The following GPR107 variants were observed in gnomAD, a reference collection of about 807,000 sequenced individuals.
The protein encoded by GPR107 is G protein-coupled receptor 107, also known as protein GPR107.
Under a neutral mutation model 75.5 loss-of-function variants are expected in GPR107, and 31 were observed. The ratio of observed to expected loss-of-function variants is 0.41; its 90% CI spans 0.31 to 0.55. The LOEUF (loss-of-function observed/expected upper bound fraction) is 0.55, where lower values mean the gene tolerates loss of function less well. Among genes scored for constraint, GPR107 ranks in the 20% least tolerant of loss-of-function variants. GPR107 has a pLI of 0.26. For missense variants in GPR107, 572 were observed against 665.7 expected (o/e 0.86, Z 1.55); for synonymous variants, 267 against 251.3 (o/e 1.06, Z -0.59).
intron 3 of GPR107, 104 bp downstream of exon 3, chr9:130,076,566 G>A: frequency 1.3e-6 from 1 of 779,770 alleles, no homozygotes; most frequent in Non-Finnish European, 2.3e-6. Context: ...TTTTTTTGGA[G>A]TACGGTGGCA....
chr9:130,090,009 G>GTGTCTCC (rs1830697864), intron 7 of GPR107, among the ~76,000 whole-genome samples: 1 of 152,140 alleles, frequency 6.6e-6, no homozygotes, highest in Non-Finnish European at 1.5e-5. Context: ...TCCAGCACCT[G>GTGTCTCC]AGAAACCTTG....
chr9:130,079,876 A>G (rs1589495444), intron 5 of GPR107, 107 bp downstream of exon 5: 3 of 620,402 alleles, frequency 4.8e-6, no homozygotes, highest in South Asian at 8.0e-5. Flanking sequence ...TCGTCTTAGC[A>G]TTATATTTTG....
At chr9:130,134,275 C>T (rs376728517) in intron 17 of GPR107, among the ~76,000 whole-genome samples, 1 of 152,174 alleles carries the variant, frequency 6.6e-6, no homozygotes, top group Admixed American at 6.5e-5. Flanking sequence ...GAAGGTGGGG[C>T]CCGTGCATGT....
At chr9:130,128,469 T>A (rs933497147) in intron 16 of GPR107, among the ~76,000 whole-genome samples, 171 bp from the exon 17 acceptor site, 1 of 152,170 alleles carries the variant, frequency 6.6e-6, no homozygotes, top group Non-Finnish European at 1.5e-5. Flanking sequence ...ACACTCCTCG[T>A]TTAGGCCTCG....
At chr9:130,098,067 G>A (rs1830922622) in intron 9 of GPR107, among the ~76,000 whole-genome samples, 2 of 152,008 alleles carry the variant, frequency 1.3e-5, no homozygotes, top group Non-Finnish European at 2.9e-5. Context: ...ATTTTTGGTA[G>A]AGATGGAGTT....
At chr9:130,101,869 T>G (rs1831038959) in intron 12 of GPR107, among the ~76,000 whole-genome samples, 1 of 152,188 alleles carries the variant, frequency 6.6e-6, no homozygotes. Flanking sequence ...CTGTGAACTT[T>G]TCTCACATTT....
Position 130,106,616 on chromosome 9 carries a change from TA to T in GPR107, c.1263-877del, listed in dbSNP as rs377656085. Among the ~76,000 whole-genome samples, 163 of 41,984 alleles carry T rather than the reference TA, an allele frequency of 3.9e-3. 1 individual carries two copies. The East Asian group carries it at 0.055, about 14-fold the overall frequency. 27.5% of individuals were successfully genotyped at this position (41,984 alleles called of 152,430 possible). A position where few individuals can be genotyped will look rare whatever the true frequency, so the allele number is the denominator to read the frequency against. On this transcript the variant is annotated intron_variant, in intron 13 of 17. Coordinates refer to ENST00000347136, the MANE Select transcript of GPR107 (RefSeq NM_020960.5). ...GTCTCAAAATAAATAAATAAATAAA[TA>T]AATAATAATAATAATAATAATACTT...
chr9:130,122,143 AG>A (rs1317564105), intron 14 of GPR107, among the ~76,000 whole-genome samples: 2 of 152,178 alleles, frequency 1.3e-5, no homozygotes, highest in Non-Finnish European at 2.9e-5. Context: ...CACCCGCCTC[AG>A]CCTCCCAAAG....
At chr9:130,071,032 T>C (rs1830193356) in intron 1 of GPR107, among the ~76,000 whole-genome samples, 1 of 83,190 alleles carries the variant, frequency 1.2e-5, no homozygotes, top group African/African-American at 3.8e-5. Context: ...ACTTTTTTTT[T>C]TTCTTTTTTT....
chr9:130,056,947 AAAAAG>A (rs1829806362), intron 1 of GPR107, among the ~76,000 whole-genome samples: 1 of 149,174 alleles, frequency 6.7e-6, no homozygotes, highest in South Asian at 2.1e-4. Context: ...AAAAAAAAAA[AAAAAG>A]AAAGTTCACA....
intron 1 of GPR107, among the ~76,000 whole-genome samples, chr9:130,063,284 G>A (rs1019564148): frequency 4.6e-5 from 7 of 151,682 alleles, no homozygotes; most frequent in African/African-American, 1.2e-4. Context: ...TCCACTTCCC[G>A]GGTTCATGCC....
intron 1 of GPR107, among the ~76,000 whole-genome samples, chr9:130,066,712 G>A (rs1379903986): frequency 9.2e-5 from 14 of 152,036 alleles, no homozygotes; most frequent in African/African-American, 2.9e-4. Flanking sequence ...TTGGCCGGGC[G>A]CGGTGGCTCA....
intron 1 of GPR107, among the ~76,000 whole-genome samples, chr9:130,067,449 A>G (rs1830096125): frequency 6.6e-6 from 1 of 152,130 alleles, no homozygotes; most frequent in Admixed American, 6.6e-5. Context: ...TCAGAGTTTG[A>G]ACCCAGGTTA....
intron 9 of GPR107, among the ~76,000 whole-genome samples, chr9:130,095,008 T>G (rs1830830255): frequency 6.6e-6 from 1 of 152,102 alleles, no homozygotes; most frequent in Admixed American, 6.5e-5. Context: ...TTTTTTATTT[T>G]TTATTTTTTT....
In GPR107 at chr9:130,096,612, C is replaced by T. The variant is rs1471658745; in HGVS notation, c.864-2845C>T. On this transcript the variant is annotated intron_variant, in intron 9 of 17. Transcript: ENST00000347136. ...CCTCCCGAGTAGCTGGGACTACAGG[C>T]GCCTGCCACCATGCCCGGCTAATTT... 6.6e-5 allele frequency among the ~76,000 whole-genome samples: 10 copies of T among 151,926 alleles called. No individual in the cohort carries two copies. The East Asian group carries it at 7.8e-4, about 12-fold the overall frequency.
At chr9:130,079,821 C>G in intron 5 of GPR107, 52 bp downstream of exon 5, 1 of 1,242,278 alleles carries the variant, frequency 8.0e-7, no homozygotes, top group Non-Finnish European at 1.1e-6. Context: ...TGCTTTGTAG[C>G]TTTTTTGTTC....
chr9:130,134,425 G>A (rs552063485), intron 17 of GPR107, among the ~76,000 whole-genome samples: 40 of 152,340 alleles, frequency 2.6e-4, no homozygotes, highest in African/African-American at 8.2e-4. Flanking sequence ...ACAGAGCCCC[G>A]GGAGCTCACA....
intron 14 of GPR107, among the ~76,000 whole-genome samples, chr9:130,119,882 G>C: frequency 6.6e-6 from 1 of 152,172 alleles, no homozygotes; most frequent in East Asian, 1.9e-4. Context: ...ACTCACCCAA[G>C]CTGGAGTGCC....
chr9:130,134,985 C>A, intron 17 of GPR107, 40 bp from the exon 18 acceptor site: 1 of 1,142,404 alleles, frequency 8.8e-7, no homozygotes, highest in Non-Finnish European at 1.3e-6. Flanking sequence ...TACTAAGAGA[C>A]TGTGAGATGT....
Sources: gnomAD v4.1 joint callset for allele counts (sites outside exome capture counted in the v4.1 genomes callset) on GRCh38, gnomAD v4.1.1 for gene constraint, MANE v1.5 for transcripts, NCBI Gene and HGNC (gene_info 2026-07-23, HGNC 2026-07-21) for gene names.